ROBO1: variants seen among roughly 807,000 people sequenced by gnomAD.
ROBO1 encodes the protein roundabout homolog 1.
A neutral mutation model predicts 195.9 loss-of-function variants in ROBO1; 149 were observed. The observed-to-expected ratio is 0.76, with a 90% CI of 0.67 to 0.87. The LOEUF is 0.87. ROBO1 is among the 40% of genes least tolerant of loss of function. The pLI is 0.00. For synonymous variants in ROBO1, 816 were observed against 733.2 expected (o/e 1.11, Z -1.82); for missense variants, 1,933 against 2,068.3 (o/e 0.93, Z 1.27).
At chr3:79,327,706 A>T (rs73848852) in intron 2 of ROBO1, among the ~76,000 whole-genome samples, 2 of 151,838 alleles carry the variant, frequency 1.3e-5, no homozygotes, top group Non-Finnish European at 2.9e-5. Flanking sequence ...TACATTTCAC[A>T]GTAAAATGGT....
At chr3:78,633,823 A>G in intron 24 of ROBO1, 112 bp downstream of exon 24, 1 of 558,748 alleles carries the variant, frequency 1.8e-6, no homozygotes, top group Non-Finnish European at 3.1e-6. Flanking sequence ...CTCAAATTAC[A>G]TACAGTGATT....
chr3:79,631,320 G>A (rs1576149571), intron 1 of ROBO1, among the ~76,000 whole-genome samples: 1 of 151,952 alleles, frequency 6.6e-6, no homozygotes, highest in Admixed American at 6.6e-5. Context: ...AGAGAACCCA[G>A]AAATAAAGCC....
At chr3:79,276,718 T>C (rs1002010227) in intron 2 of ROBO1, among the ~76,000 whole-genome samples, 2 of 151,870 alleles carry the variant, frequency 1.3e-5, no homozygotes, top group East Asian at 1.9e-4. Flanking sequence ...TTGCAAACTA[T>C]CCATCTGACA....
At chr3:78,893,693 T>C (rs905919288) in intron 4 of ROBO1, among the ~76,000 whole-genome samples, 4 of 152,222 alleles carry the variant, frequency 2.6e-5, no homozygotes, top group African/African-American at 4.8e-5. Context: ...TATTACACTT[T>C]GTGAATAAAC....
At chr3:78,899,338 T>A (rs1472095036) in intron 4 of ROBO1, among the ~76,000 whole-genome samples, 1 of 152,180 alleles carries the variant, frequency 6.6e-6, no homozygotes, top group Non-Finnish European at 1.5e-5. Flanking sequence ...AAACAAACTA[T>A]TATAATCTGA....
chr3:79,648,023 G>T (rs1274824683), intron 1 of ROBO1, among the ~76,000 whole-genome samples: 1 of 152,006 alleles, frequency 6.6e-6, no homozygotes, highest in African/African-American at 2.4e-5. Flanking sequence ...TGGCCTAAAG[G>T]AAAATTGGTT....
intron 2 of ROBO1, among the ~76,000 whole-genome samples, chr3:79,548,164 A>G (rs1222914241): frequency 2.0e-5 from 3 of 152,156 alleles, no homozygotes; most frequent in Non-Finnish European, 4.4e-5. Flanking sequence ...GTAGCAGGTA[A>G]CTTCCTCACC....
Position 78,661,981 on chromosome 3 carries a change from G to C in ROBO1, c.2088+12C>G. The C allele has an allele frequency of 1.2e-6, 2 of 1,604,624 alleles. No individual in the cohort carries two copies. The highest frequency in any genetic ancestry group is 8.5e-7 in the Non-Finnish European group (1 of 1,176,162). ...CTTATTAAAACTGAGATCAAATATT[G>C]TAACAACTCACTGTCCAGTGCACTT... On this transcript the variant is annotated intron_variant, in intron 15 of 30. Transcript: ENST00000464233.
At position 78,925,110 on chromosome 3, in the gene ROBO1, T is replaced by C. The variant is rs116373763; in HGVS notation, c.499+13491A>G. Among the ~76,000 whole-genome samples, 544 of 152,288 alleles carry C rather than the reference T, an allele frequency of 3.6e-3. 4 individuals are homozygous for C. The highest frequency in any genetic ancestry group is 0.012 in the African/African-American group (512 of 41,568). On this transcript the variant is annotated intron_variant, in intron 4 of 30. Transcript: ENST00000464233. ...AACATTGAGGTAAACTTTTACACTA[T>C]ACATTTAGCTATAATGTTAATGAAT...
chr3:79,246,583 G>T (rs978052718), intron 2 of ROBO1, among the ~76,000 whole-genome samples: 1 of 151,982 alleles, frequency 6.6e-6, no homozygotes, highest in African/African-American at 2.4e-5. Flanking sequence ...TACTCACCAT[G>T]GTCTGTATCG....
At chr3:78,633,872 A>G (rs963770799) in intron 24 of ROBO1, 63 bp downstream of exon 24, 14 of 1,121,194 alleles carry the variant, frequency 1.2e-5, no homozygotes, top group Non-Finnish European at 1.9e-5. Context: ...ATTAGCACTC[A>G]ATTTGTAATC....
intron 1 of ROBO1, among the ~76,000 whole-genome samples, chr3:79,620,085 G>T (rs1215546078): frequency 6.6e-6 from 1 of 152,184 alleles, no homozygotes; most frequent in African/African-American, 2.4e-5. Context: ...TCAAGATCTT[G>T]CTTCAAGTGC....
intron 3 of ROBO1, among the ~76,000 whole-genome samples, chr3:78,984,410 C>T (rs533000881): frequency 1.3e-5 from 2 of 152,060 alleles, no homozygotes; most frequent in African/African-American, 4.8e-5. Flanking sequence ...GGGAGAGAAG[C>T]CAGCTAAGAG....
At chr3:79,656,247 T>A (rs1351653626) in intron 1 of ROBO1, among the ~76,000 whole-genome samples, 1 of 151,992 alleles carries the variant, frequency 6.6e-6, no homozygotes, top group East Asian at 1.9e-4. Flanking sequence ...TTGCTTTTTT[T>A]TTTTAAATTT....
At chr3:78,736,160 T>A (rs1316274610) in intron 5 of ROBO1, among the ~76,000 whole-genome samples, 3 of 152,150 alleles carry the variant, frequency 2.0e-5, no homozygotes, top group Non-Finnish European at 4.4e-5. Flanking sequence ...AATACGTAAT[T>A]GTATGTGGAA....
chr3:78,847,331 G>C lies in ROBO1; in HGVS notation c.499+91270C>G, dbSNP rs561732306. On this transcript the variant is annotated intron_variant, in intron 4 of 30. Coordinates refer to ENST00000464233, the MANE Select transcript of ROBO1 (RefSeq NM_002941.4). ...GGCAAATGTGTATCTTACATAATAG[G>C]GACCAGAAATGTGTCAGGCCACCGT... Among the ~76,000 whole-genome samples, 8 of 152,142 alleles carry C rather than the reference G, an allele frequency of 5.3e-5. No individual in the cohort carries two copies. The South Asian group carries it at 1.7e-3, about 32-fold the overall frequency.
chr3:79,653,806 C>T (rs1162248517), intron 1 of ROBO1, among the ~76,000 whole-genome samples: 1 of 151,934 alleles, frequency 6.6e-6, no homozygotes, highest in South Asian at 2.1e-4. Context: ...TGAAATGAAT[C>T]TCTAGTTCTA....
chr3:79,738,347 G>C (rs866256743), intron 1 of ROBO1, among the ~76,000 whole-genome samples: 6 of 152,114 alleles, frequency 3.9e-5, no homozygotes, highest in African/African-American at 1.2e-4. Context: ...AATAAAATCT[G>C]AATTTTTATC....
chr3:79,638,522 C>T (rs1003408293), intron 1 of ROBO1, among the ~76,000 whole-genome samples: 2 of 152,080 alleles, frequency 1.3e-5, no homozygotes, highest in Admixed American at 6.6e-5. Flanking sequence ...TCAGGTGATC[C>T]GCCAGCCTGG....
Sources: allele counts gnomAD v4.1 joint callset (sites outside exome capture counted in the v4.1 genomes callset), GRCh38; gene constraint gnomAD v4.1.1; transcripts MANE v1.5; gene names NCBI Gene and HGNC (gene_info 2026-07-23, HGNC 2026-07-21).